The following NIBAN1 variants were observed in gnomAD, a reference collection of about 807,000 sequenced individuals.
NIBAN1 encodes niban apoptosis regulator 1, also known as protein Niban 1.
NIBAN1 carries 81 observed loss-of-function variants against 75.1 expected under a neutral mutation model. The ratio of observed to expected loss-of-function variants is 1.08; its 90% CI spans 0.90 to 1.30. NIBAN1 has a LOEUF of 1.30. Ranked by LOEUF, NIBAN1 falls within the 50% of genes most tolerant of loss-of-function variation. The pLI is 0.00. For synonymous variants in NIBAN1, 436 were observed against 424.8 expected (o/e 1.03, Z -0.32); for missense variants, 1,133 against 1,128.1 (o/e 1.00, Z -0.06).
At chr1:184,833,056 A>G (rs1655040728) in intron 5 of NIBAN1, among the ~76,000 whole-genome samples, 1 of 152,060 alleles carries the variant, frequency 6.6e-6, no homozygotes, top group Admixed American at 6.6e-5. Context: ...TATAAGGCAC[A>G]AAGCTCTCCT....
At chr1:184,901,861 G>A (rs1230811750) in intron 1 of NIBAN1, among the ~76,000 whole-genome samples, 2 of 152,062 alleles carry the variant, frequency 1.3e-5, no homozygotes, top group East Asian at 1.9e-4. Context: ...ACCAGGTAGC[G>A]CTTATAAAGA....
chr1:184,952,687 A>G (rs1027946117), intron 1 of NIBAN1, among the ~76,000 whole-genome samples: 1 of 152,374 alleles, frequency 6.6e-6, no homozygotes, highest in Middle Eastern at 3.4e-3. Flanking sequence ...GGATTGCACA[A>G]GCTTGGACTA....
intron 1 of NIBAN1, among the ~76,000 whole-genome samples, chr1:184,919,175 G>A (rs547967301): frequency 2.6e-5 from 4 of 152,270 alleles, no homozygotes; most frequent in South Asian, 2.1e-4. Context: ...TTTAGTGTGA[G>A]ACACATTGAA....
intron 10 of NIBAN1, 177 bp downstream of exon 10, chr1:184,807,897 C>T (rs1571477402): frequency 6.0e-6 from 4 of 670,642 alleles, no homozygotes; most frequent in Middle Eastern, 2.6e-4. Flanking sequence ...GATGTTCATC[C>T]ACATGGATGG....
intron 4 of NIBAN1, 135 bp from the exon 5 acceptor site, chr1:184,884,935 G>T: frequency 8.9e-7 from 1 of 1,118,618 alleles, no homozygotes; most frequent in Non-Finnish European, 1.2e-6. Context: ...TCACAGGATA[G>T]GGAAACTGGG....
At chr1:184,893,006 G>A (rs1278841202) in intron 3 of NIBAN1, among the ~76,000 whole-genome samples, 9 of 152,008 alleles carry the variant, frequency 5.9e-5, no homozygotes, top group African/African-American at 1.2e-4. Context: ...TCCTGACCTC[G>A]GGTGATCCAC....
chr1:184,902,945 A>C (rs892285553), intron 1 of NIBAN1, among the ~76,000 whole-genome samples: 8 of 152,226 alleles, frequency 5.3e-5, no homozygotes, highest in African/African-American at 1.9e-4. Context: ...TTAGTTGATC[A>C]ATCAATTTTG....
chr1:184,948,444 A>T (rs1254931122), intron 1 of NIBAN1, among the ~76,000 whole-genome samples: 1 of 152,230 alleles, frequency 6.6e-6, no homozygotes, highest in Admixed American at 6.5e-5. Context: ...AGTGTGGCTG[A>T]TATATTATGC....
At chr1:184,892,659 A>C (rs1656698644) in intron 3 of NIBAN1, among the ~76,000 whole-genome samples, 1 of 152,124 alleles carries the variant, frequency 6.6e-6, no homozygotes, top group South Asian at 2.1e-4. Flanking sequence ...AGTATATTTT[A>C]TTTCTATTTT....
Position 184,883,230 on chromosome 1 carries a change from T to G in NIBAN1, c.601+1403A>C, listed in dbSNP as rs570558774. ...GTCACCTGCTCATACAGGACTCCCC[T>G]GGAGAGCTGAAAGTTCGGCACTCCT... On this transcript the variant is annotated intron_variant, in intron 5 of 13. Transcript: ENST00000367511. Among the ~76,000 whole-genome samples the G allele has an allele frequency of 9.2e-5, 14 of 152,350 alleles. No individual in the cohort carries two copies. In the East Asian group the frequency reaches 2.7e-3, roughly 29 times the overall value.
chr1:184,947,718 G>A (rs1422943816), intron 1 of NIBAN1, among the ~76,000 whole-genome samples: 1 of 152,198 alleles, frequency 6.6e-6, no homozygotes, highest in Non-Finnish European at 1.5e-5. Context: ...AAGTGGCAGA[G>A]GACTTGGCAC....
At chr1:184,823,592 G>A in intron 7 of NIBAN1, 46 bp downstream of exon 7, 1 of 1,580,262 alleles carries the variant, frequency 6.3e-7, no homozygotes, top group African/African-American at 1.3e-5. Flanking sequence ...GGAAGAGAAT[G>A]TTCCCATTTT....
intron 5 of NIBAN1, among the ~76,000 whole-genome samples, chr1:184,858,065 T>C (rs1033490462): frequency 6.6e-6 from 1 of 152,058 alleles, no homozygotes; most frequent in African/African-American, 2.4e-5. Flanking sequence ...TTTGACTGCA[T>C]AAAAATAGAC....
intron 6 of NIBAN1, among the ~76,000 whole-genome samples, chr1:184,826,035 A>G (rs909865866): frequency 5.3e-5 from 8 of 152,220 alleles, no homozygotes; most frequent in Admixed American, 2.0e-4. Context: ...GCCTTTAATC[A>G]GGGCTCTGTC....
chr1:184,887,465 C>T (rs139934231), intron 4 of NIBAN1, among the ~76,000 whole-genome samples: 1,818 of 152,270 alleles, frequency 0.012, 17 homozygotes, highest in Non-Finnish European at 0.019. Flanking sequence ...GGTGAGCCCA[C>T]AGCTACTAAG....
intron 5 of NIBAN1, among the ~76,000 whole-genome samples, chr1:184,875,441 A>G (rs1003461190): frequency 1.8e-4 from 28 of 152,198 alleles, no homozygotes; most frequent in African/African-American, 6.8e-4. Context: ...ACTTCCCAGG[A>G]AGTTTACTCA....
chr1:184,812,305 G>T (rs1018662977), intron 9 of NIBAN1, among the ~76,000 whole-genome samples: 2 of 152,172 alleles, frequency 1.3e-5, no homozygotes, highest in African/African-American at 4.8e-5. Flanking sequence ...GTGCTAAGCA[G>T]AGTGGCTAAT....
intron 6 of NIBAN1, among the ~76,000 whole-genome samples, chr1:184,827,953 G>GT (rs1174066517): frequency 0.034 from 3,399 of 99,856 alleles, 160 homozygotes; most frequent in African/African-American, 0.066. Context: ...GGGTAGTTTT[G>GT]TTTTTTGTTT....
At chr1:184,965,736 C>A (rs551673981) in intron 1 of NIBAN1, among the ~76,000 whole-genome samples, 13 of 152,274 alleles carry the variant, frequency 8.5e-5, no homozygotes, top group Admixed American at 2.6e-4. Context: ...ATCTGTACAA[C>A]AAGCCCCCAC....
Sources: gnomAD v4.1 joint callset for allele counts (sites outside exome capture counted in the v4.1 genomes callset) on GRCh38, gnomAD v4.1.1 for gene constraint, MANE v1.5 for transcripts, NCBI Gene and HGNC (gene_info 2026-07-23, HGNC 2026-07-21) for gene names.